The following POLR1C variants were observed in gnomAD, a reference collection of about 807,000 sequenced individuals.
POLR1C encodes DNA-directed RNA polymerases I and III subunit RPAC1.
Under a neutral mutation model 38.3 loss-of-function variants are expected in POLR1C, and 42 were observed. The ratio of observed to expected loss-of-function variants is 1.10; its 90% confidence interval spans 0.86 to 1.42. POLR1C has a LOEUF of 1.42. Among genes scored for constraint, POLR1C ranks in the 40% most tolerant of loss-of-function variants. The pLI, the probability that POLR1C is intolerant of heterozygous loss-of-function variation, is 0.00. For synonymous variants in POLR1C, 163 were observed against 163.9 expected (o/e 0.99, Z 0.04); for missense variants, 507 against 450.5 (o/e 1.13, Z -1.14).
chr6:43,538,749 A>C (rs1794504952), intron 9 of POLR1C: 2 of 543,734 alleles, frequency 3.7e-6, no homozygotes, highest in East Asian at 6.3e-5. Context: ...TCATAAAATG[A>C]GTTATGGAGC....
intron 9 of POLR1C, among the ~76,000 whole-genome samples, chr6:43,536,852 G>C (rs1266674590): frequency 6.6e-6 from 1 of 150,792 alleles, no homozygotes; most frequent in Non-Finnish European, 1.5e-5. Flanking sequence ...GTGGCTGGTA[G>C]GAATCTAATT....
intron 7 of POLR1C, 35 bp downstream of exon 7, chr6:43,520,809 T>C (rs1793126208): frequency 1.2e-6 from 2 of 1,611,982 alleles, no homozygotes; most frequent in Admixed American, 1.7e-5. Flanking sequence ...AGTTAGGACC[T>C]AAATTATATT....
chr6:43,549,185 C>T (rs1795110428), intron 9 of POLR1C, among the ~76,000 whole-genome samples: 1 of 152,128 alleles, frequency 6.6e-6, no homozygotes, highest in African/African-American at 2.4e-5. Context: ...CCTCAGCCTC[C>T]TGACTAGCTG....
intron 9 of POLR1C, chr6:43,538,825 T>C (rs571279034): frequency 2.7e-4 from 298 of 1,117,314 alleles, no homozygotes; most frequent in Non-Finnish European, 3.3e-4. Flanking sequence ...AAAAACCCTA[T>C]GTTGTAGCCA....
At chr6:43,529,535 C>G (rs1319243503) in exon 9 of POLR1C, 1 of 152,012 alleles carries the variant, frequency 6.6e-6, no homozygotes, top group Admixed American at 6.8e-5. Context: ...GCCTGGGCAA[C>G]AGAGCAAGAC....
At chr6:43,553,534 C>G in intron 10 of POLR1C, 1 of 1,529,584 alleles carries the variant, frequency 6.5e-7, no homozygotes, top group Non-Finnish European at 8.8e-7. Context: ...CATACACACA[C>G]ACACACACAC....
intron 9 of POLR1C, among the ~76,000 whole-genome samples, chr6:43,544,590 T>C (rs1794876645): frequency 6.6e-6 from 1 of 152,150 alleles, no homozygotes; most frequent in Non-Finnish European, 1.5e-5. Flanking sequence ...TCCATCACTT[T>C]CACGTTTCTC....
chr6:43,530,549 A>AATGACATGAT, downstream of POLR1C: 1 of 1,020,820 alleles, frequency 9.8e-7, no homozygotes, highest in Non-Finnish European at 1.4e-6. Context: ...CAGTGTTTTT[A>AATGACATGAT]ATGACATGAT....
At chr6:43,539,759 T>G (rs1794586071) in intron 9 of POLR1C, 1 of 595,504 alleles carries the variant, frequency 1.7e-6, no homozygotes, top group African/African-American at 1.9e-5. Flanking sequence ...ATAGTTTGTC[T>G]AAGAGATAAA....
downstream of POLR1C, among the ~76,000 whole-genome samples, chr6:43,521,759 G>C (rs1582185253): frequency 6.6e-6 from 1 of 152,310 alleles, no homozygotes; most frequent in East Asian, 1.9e-4. Context: ...TCAAACTCCT[G>C]ACCTCAAGTG....
intron 9 of POLR1C, among the ~76,000 whole-genome samples, chr6:43,537,312 T>A (rs1794401218): frequency 6.6e-6 from 1 of 152,186 alleles, no homozygotes. Context: ...TAGATCAACC[T>A]GTAATACATA....
intron 10 of POLR1C, chr6:43,551,275 T>C: frequency 1.3e-6 from 2 of 1,539,542 alleles, no homozygotes; most frequent in African/African-American, 2.8e-5. Flanking sequence ...AAATAAAATT[T>C]ACAAAGGAGA....
downstream of POLR1C, among the ~76,000 whole-genome samples, chr6:43,530,291 G>A (rs917566186): frequency 1.3e-5 from 2 of 151,838 alleles, no homozygotes; most frequent in Non-Finnish European, 2.9e-5. Context: ...GGGCGTGATG[G>A]TGCACACCTG....
chr6:43,539,709 G>C, intron 9 of POLR1C: 2 of 675,516 alleles, frequency 3.0e-6, no homozygotes, highest in Non-Finnish European at 5.0e-6. Context: ...GCCATTTGGT[G>C]TTTTCTCGGA....
intron 8 of POLR1C, chr6:43,526,602 C>T (rs1035167458): frequency 1.3e-6 from 2 of 1,510,634 alleles, no homozygotes; most frequent in Admixed American, 3.7e-5. Flanking sequence ...CCTCACCAGA[C>T]TGCAAGGAAA....
downstream of POLR1C, chr6:43,531,609 C>CA: frequency 6.4e-7 from 1 of 1,572,838 alleles, no homozygotes. Flanking sequence ...ACATGATGCT[C>CA]CACTGTCAGG....
At chr6:43,562,370 T>C (rs1424413534) in exon 11 of POLR1C, 2 of 1,537,084 alleles carry the variant, frequency 1.3e-6, no homozygotes, top group African/African-American at 2.7e-5. Context: ...ATTCCTTATA[T>C]CACCAACAAA....
rs956091160 is a variant in POLR1C, at chr6:43,520,217, A to C, written c.502+32A>C. The C allele has an allele frequency of 5.6e-6, 9 of 1,614,030 alleles. No homozygotes were observed. The African/African-American group carries it at 8.0e-5, about 14-fold the overall frequency. ...AGTGGTAGGGTGAGGAAGAGGCCCCACCTGTGGGTAGCTGCTAGTTTTAGG... is the reference window on the plus strand; with the variant it reads ...AGTGGTAGGGTGAGGAAGAGGCCCCCCCTGTGGGTAGCTGCTAGTTTTAGG... On this transcript the variant is annotated intron_variant, in intron 5 of 8. Coordinates refer to ENST00000642195, the MANE Select transcript of POLR1C (RefSeq NM_203290.4).
At chr6:43,559,853 T>C (rs1417764083) in intron 10 of POLR1C, among the ~76,000 whole-genome samples, 1 of 152,160 alleles carries the variant, frequency 6.6e-6, no homozygotes, top group Non-Finnish European at 1.5e-5. Flanking sequence ...CTCACTCTCA[T>C]TGCCTAGGCT....
Sources: gnomAD v4.1 joint callset for allele counts (sites outside exome capture counted in the v4.1 genomes callset) on GRCh38, gnomAD v4.1.1 for gene constraint, MANE v1.5 for transcripts, NCBI Gene and HGNC (gene_info 2026-07-23, HGNC 2026-07-21) for gene names.